Variants in ABL2 observed in about 807,000 individuals in gnomAD.
ABL2 encodes the protein tyrosine-protein kinase ABL2.
In ABL2, 49 loss-of-function variants were observed where a neutral mutation model predicts 107.7. The ratio of observed to expected loss-of-function variants is 0.45; its 90% CI spans 0.36 to 0.58. The LOEUF is 0.58. Among genes scored for constraint, ABL2 ranks in the 20% least tolerant of loss-of-function variants. ABL2 has a pLI of 0.00. For synonymous variants in ABL2, 549 were observed against 548.6 expected, an observed-to-expected ratio of 1.00 and a Z score of -0.01; for missense variants, 1,245 against 1,457.0, an observed-to-expected ratio of 0.85 and a Z score of 2.37.
At chr1:179,164,045 G>A (rs189613867) in intron 1 of ABL2, among the ~76,000 whole-genome samples, 1 of 152,188 alleles carries the variant, frequency 6.6e-6, no homozygotes, top group African/African-American at 2.4e-5. Context: ...GGGATTAAAG[G>A]GGGGGAATAT....
chr1:179,099,841 A>G lies in ABL2; in HGVS notation c.*7877T>C, dbSNP rs1652957007. 4.3e-6 allele frequency: 1 copy of G among 232,442 alleles called. No homozygotes were observed. The allele number at this position is 232,442 out of a possible 1,614,324, so 14.4% of individuals were successfully genotyped here. On this transcript the variant is annotated 3_prime_UTR_variant, in exon 12 of 12. Coordinates refer to ENST00000502732, the MANE Select transcript of ABL2 (RefSeq NM_007314.4). ...GACAGTCATTAGAGAATCAGACTGC[A>G]GAGAAGGAAAAGTGCAGGGTCTGGG...
chr1:179,198,693 CAAAAAAAAA>C (rs534990752), intron 1 of ABL2, among the ~76,000 whole-genome samples: 4 of 34,944 alleles, frequency 1.1e-4, no homozygotes, highest in African/African-American at 2.5e-4. Context: ...ACTCCATCTC[CAAAAAAAAA>C]AAAAAAAAAA....
chr1:179,136,744 A>AT (rs1657050204), intron 1 of ABL2, among the ~76,000 whole-genome samples: 1 of 77,896 alleles, frequency 1.3e-5, no homozygotes, highest in African/African-American at 4.1e-5. Context: ...AAATAAATAA[A>AT]AATAAAAATA....
At chr1:179,172,818 TCC>T (rs1280286761) in intron 1 of ABL2, among the ~76,000 whole-genome samples, 1 of 152,126 alleles carries the variant, frequency 6.6e-6, no homozygotes, top group Non-Finnish European at 1.5e-5. Flanking sequence ...TAGACAAATG[TCC>T]ACCCAGAATA....
In ABL2 at chr1:179,108,553, G is replaced by A; in HGVS notation, c.2714C>T (p.Pro905Leu). The A allele has an allele frequency of 6.2e-7, 1 of 1,614,130 alleles. No individual in the cohort carries two copies. The highest frequency in any genetic ancestry group is 8.5e-7 in the Non-Finnish European group (1 of 1,180,016). ...CCAGCCCGGCTGCTCTCCATCCTCT[G>A]GAACTCCAGCCATCCCAAGTCGTGC... ...GGARLGMAGV[P>L]EDGEQPGWPS... Residue 905 changes from proline to leucine, a missense_variant, in exon 12 of 12, where the codon CCA (proline) becomes CTA (leucine). Pro to Leu is a moderately conservative substitution (Grantham distance 98). Coordinates refer to ENST00000502732, the MANE Select transcript of ABL2 (RefSeq NM_007314.4).
chr1:179,229,207 C>CCCCCCCCCCCCCCCCAAA, intron 1 of ABL2, 34 bp downstream of exon 1: 1 of 1,485,454 alleles, frequency 6.7e-7, no homozygotes, highest in African/African-American at 1.5e-5. Flanking sequence ...CCGGCCTCCC[C>CCCCCCCCCCCCCCCCAAA]CACGCTCTCA....
intron 1 of ABL2, among the ~76,000 whole-genome samples, chr1:179,169,315 G>A (rs1428782374): frequency 3.9e-5 from 6 of 152,124 alleles, no homozygotes; most frequent in Non-Finnish European, 8.8e-5. Flanking sequence ...TTGGGAGGCC[G>A]AGGCGGGCAG....
Position 179,108,029 on chromosome 1 carries a change from A to C in ABL2, c.3238T>G (p.Ser1080Ala). 1 of 1,614,166 alleles carries C rather than the reference A, an allele frequency of 6.2e-7. No homozygotes were observed. The change falls in exon 12 of 12, where the codon TCA (serine) becomes GCA (alanine). Residue 1080 changes from serine (S) to alanine (A), a missense_variant. Around this residue, in one of 3 missense-constraint regions of ABL2, gnomAD observed 761 missense variants for 766.4 expected, o/e 0.99. Coordinates refer to ENST00000502732, the MANE Select transcript of ABL2 (RefSeq NM_007314.4). ...GCCTCTTTGCTGATTTTGTCTGCTG[A>C]GATTTTCTCAGCGGCCTGTTTGGTT... ...RKTKQAAEKI[S>A]ADKISKEALL... is the part of the protein sequence containing the mutation.
intron 1 of ABL2, among the ~76,000 whole-genome samples, chr1:179,196,813 C>T (rs1661338572): frequency 6.6e-6 from 1 of 150,434 alleles, no homozygotes; most frequent in South Asian, 2.1e-4. Flanking sequence ...CTGACCTGTA[C>T]ATTTTCAAAT....
At position 179,206,191 on chromosome 1, in the gene ABL2, C is replaced by T. The variant is rs148489314; in HGVS notation, c.157+23050G>A. Among the ~76,000 whole-genome samples, 338 of 152,230 alleles carry T rather than the reference C, an allele frequency of 2.2e-3. 1 individual carries two copies. Among genetic ancestry groups the T allele is most frequent in the African/African-American group, 7.3e-3 (305 of 41,530 alleles). On this transcript the variant is annotated intron_variant, in intron 1 of 11. Transcript: ENST00000502732. ...CATTATAAAAGTACAATAATTAAAA[C>T]TGTGATATTGGCACATTATTTGACA...
At chr1:179,135,114 C>T (rs1656741936) in intron 1 of ABL2, among the ~76,000 whole-genome samples, 1 of 152,184 alleles carries the variant, frequency 6.6e-6, no homozygotes, top group South Asian at 2.1e-4. Flanking sequence ...CCTTGGCCTC[C>T]CAAAGTGCCG....
Position 179,106,453 on chromosome 1 carries a change from A to G in ABL2, c.*1265T>C, listed in dbSNP as rs1557900916. The G allele has an allele frequency of 4.3e-6, 1 of 232,706 alleles. No homozygotes were observed. Among genetic ancestry groups the G allele is most frequent in the Non-Finnish European group, 8.5e-6 (1 of 117,760 alleles). 14.4% of individuals were successfully genotyped at this position (232,706 alleles called of 1,614,324 possible). ...ACAAAATAAATAAAGAATATTCCCA[A>G]TAAGATCTGTACAAATAAGCACAAT... On this transcript the variant is annotated 3_prime_UTR_variant, in exon 12 of 12. Transcript: ENST00000502732.
intron 3 of ABL2, among the ~76,000 whole-genome samples, chr1:179,129,422 G>A (rs1458815116): frequency 6.6e-6 from 1 of 152,200 alleles, no homozygotes; most frequent in African/African-American, 2.4e-5. Flanking sequence ...GGTGGCTCAC[G>A]CCTGTAACCC....
intron 1 of ABL2, among the ~76,000 whole-genome samples, chr1:179,189,818 AT>A (rs572357567): frequency 6.7e-6 from 1 of 150,228 alleles, no homozygotes; most frequent in Non-Finnish European, 1.5e-5. Context: ...GTGTCTTACC[AT>A]TTTTTTTGTT....
At chr1:179,187,276 G>A (rs1011505340) in intron 1 of ABL2, among the ~76,000 whole-genome samples, 1 of 152,172 alleles carries the variant, frequency 6.6e-6, no homozygotes, top group Non-Finnish European at 1.5e-5. Flanking sequence ...TATTCTGTCA[G>A]TTTAAATTTT....
chr1:179,164,832 T>C (rs1361920071), intron 1 of ABL2, among the ~76,000 whole-genome samples: 2 of 152,212 alleles, frequency 1.3e-5, no homozygotes, highest in Non-Finnish European at 2.9e-5. Context: ...CTTGCTCTCA[T>C]GAGATACATT....
intron 5 of ABL2, 67 bp from the exon 6 acceptor site, chr1:179,120,341 A>T: frequency 1.1e-6 from 1 of 904,352 alleles, no homozygotes; most frequent in Non-Finnish European, 1.7e-6. Flanking sequence ...AAATCATTTC[A>T]TTCATCTCAC....
rs75467550 is a variant in ABL2 at position 179,173,426 on chromosome 1, G to A, written c.158-40052C>T. Among the ~76,000 whole-genome samples, 364 of 133,840 alleles carry A rather than the reference G, an allele frequency of 2.7e-3. 10 individuals are homozygous for A. In the East Asian group the frequency reaches 0.075, roughly 28 times the overall value. 87.8% of individuals were successfully genotyped at this position (133,840 alleles called of 152,430 possible). ...TCACCAGGCTGGAGTGCAATGGCAC[G>A]ATCTCAGCTCACTGCAACCTCCATC... On this transcript the variant is annotated intron_variant, in intron 1 of 11. Coordinates refer to ENST00000502732, the MANE Select transcript of ABL2 (RefSeq NM_007314.4).
At position 179,106,045 on chromosome 1, in the gene ABL2, C is replaced by T; in HGVS notation, c.*1673G>A. 2 of 217,102 alleles carry T rather than the reference C, an allele frequency of 9.2e-6. No individual in the cohort carries two copies. The highest frequency in any genetic ancestry group is 1.9e-5 in the Non-Finnish European group (2 of 107,920). 13.4% of individuals were successfully genotyped at this position (217,102 alleles called of 1,614,324 possible). The stretch of plus-strand genomic sequence containing the variant: ...GTTTGACAGTGTATCAATGACAGAG[C>T]CAGAAGAAAACTCAGTGCTCAATGT... On this transcript the variant is annotated 3_prime_UTR_variant, in exon 12 of 12. Transcript: ENST00000502732.
Sources: gnomAD v4.1 joint callset for allele counts (sites outside exome capture counted in the v4.1 genomes callset) on GRCh38, gnomAD v4.1.1 for gene constraint, gnomAD v4.1.1 regional missense constraint, MANE v1.5 for transcripts, NCBI Gene and HGNC (gene_info 2026-07-23, HGNC 2026-07-21) for gene names.